The following BIRC6 variants were observed in gnomAD, a reference collection of about 807,000 sequenced individuals.
The protein encoded by BIRC6 is dual E2 ubiquitin-conjugating enzyme/E3 ubiquitin-protein ligase BIRC6.
In BIRC6, 98 loss-of-function variants were observed where a neutral mutation model predicts 503.3. That is an observed-to-expected ratio of 0.19 (90% CI 0.17 to 0.23). BIRC6 has a LOEUF of 0.23. BIRC6 is among the 10% of genes least tolerant of loss of function. BIRC6 has a pLI of 1.00. For missense variants in BIRC6, 5,360 were observed against 5,806.0 expected, an observed-to-expected ratio of 0.92 and a Z score of 2.50; for synonymous variants, 2,240 against 2,078.7, an observed-to-expected ratio of 1.08 and a Z score of -2.11.
intron 13 of BIRC6, 154 bp from the exon 14 acceptor site, chr2:32,435,342 C>G (rs1037334561): frequency 2.6e-6 from 1 of 387,366 alleles, no homozygotes; most frequent in Non-Finnish European, 3.5e-6. Flanking sequence ...TTTATAGCAT[C>G]TGTGATGAAA....
intron 20 of BIRC6, among the ~76,000 whole-genome samples, chr2:32,445,096 C>G (rs749287275): frequency 6.6e-6 from 1 of 152,192 alleles, no homozygotes; most frequent in African/African-American, 2.4e-5. Flanking sequence ...GTTTGAAGCT[C>G]ACTGCCATCC....
rs1355766641 is a variant in BIRC6, at chr2:32,389,449, C to A, written c.839+506C>A. 2.6e-5 allele frequency among the ~76,000 whole-genome samples: 4 copies of A among 151,234 alleles called. No individual in the cohort carries two copies. The East Asian group carries it at 5.8e-4, about 22-fold the overall frequency. On this transcript the variant is annotated intron_variant, in intron 4 of 73. Coordinates refer to ENST00000421745, the MANE Select transcript of BIRC6 (RefSeq NM_016252.4). ...GTTAACAATTTTTTATGCTGCTCGC[C>A]CTGGATTTAAACAGTATTACAAAAA...
chr2:32,474,431 TTGTC>T (rs1275809850), intron 33 of BIRC6, among the ~76,000 whole-genome samples: 1 of 152,336 alleles, frequency 6.6e-6, no homozygotes, highest in African/African-American at 2.4e-5. Flanking sequence ...GAGTGAATAT[TTGTC>T]TGTAAAATAT....
At chr2:32,406,365 C>T in intron 8 of BIRC6, 134 bp from the exon 9 acceptor site, 1 of 636,858 alleles carries the variant, frequency 1.6e-6, no homozygotes, top group Non-Finnish European at 2.8e-6. Flanking sequence ...TGCCACTGTA[C>T]TCCAGCCTGG....
Position 32,455,979 on chromosome 2 carries a change from TTAATA to T in BIRC6, c.4753+2044_4753+2048del, listed in dbSNP as rs549016480. Among the ~76,000 whole-genome samples the T allele has an allele frequency of 2.3e-3, 350 of 152,316 alleles. 1 individual carries two copies. Among genetic ancestry groups the T allele is most frequent in the African/African-American group, 7.8e-3 (324 of 41,558 alleles). ...TTTACTTTTTTGAAACATGTTAATA[TTAATA>T]TAATATCTATGCGGAAAAGTGCAGA... On this transcript the variant is annotated intron_variant, in intron 23 of 73. Transcript: ENST00000421745.
At chr2:32,597,696 T>G (rs2061765401) in intron 68 of BIRC6, 55 bp from the exon 69 acceptor site, 10 of 1,307,100 alleles carry the variant, frequency 7.7e-6, no homozygotes, top group Non-Finnish European at 7.6e-6. Context: ...TTGTGATTTT[T>G]GTCATTATAA....
At chr2:32,417,978 C>G (rs1377996645) in intron 10 of BIRC6, among the ~76,000 whole-genome samples, 5 of 152,158 alleles carry the variant, frequency 3.3e-5, no homozygotes, top group Admixed American at 3.3e-4. Flanking sequence ...CGAGGTTTCA[C>G]TATGTTGGCT....
intron 62 of BIRC6, 118 bp downstream of exon 62, chr2:32,543,659 G>T: frequency 1.0e-6 from 1 of 981,696 alleles, no homozygotes; most frequent in South Asian, 1.7e-5. Context: ...TAGATGATTT[G>T]TAAGTGGTAG....
intron 1 of BIRC6, among the ~76,000 whole-genome samples, chr2:32,369,971 T>A (rs1303800515): frequency 1.6e-5 from 1 of 62,600 alleles, no homozygotes; most frequent in African/African-American, 5.6e-5. Context: ...TATATATATA[T>A]ATATATATAT....
chr2:32,493,340 A>G (rs919703402), intron 44 of BIRC6, among the ~76,000 whole-genome samples, 200 bp from the exon 45 acceptor site: 8 of 152,228 alleles, frequency 5.3e-5, no homozygotes, highest in Middle Eastern at 3.4e-3. Flanking sequence ...AAGTATTAAC[A>G]GTATTTTTAT....
chr2:32,465,992 T>C (rs772547582), intron 26 of BIRC6, among the ~76,000 whole-genome samples: 1 of 152,230 alleles, frequency 6.6e-6, no homozygotes, highest in African/African-American at 2.4e-5. Context: ...TGAAGTCTTA[T>C]GGGAGATGAG....
chr2:32,433,410 G>T (rs2044355009), intron 12 of BIRC6, among the ~76,000 whole-genome samples: 1 of 152,194 alleles, frequency 6.6e-6, no homozygotes, highest in African/African-American at 2.4e-5. Context: ...GAATAAGAAT[G>T]TATTGGTATA....
intron 12 of BIRC6, among the ~76,000 whole-genome samples, chr2:32,431,871 G>T (rs1025173581): frequency 6.6e-6 from 1 of 152,214 alleles, no homozygotes; most frequent in Admixed American, 6.5e-5. Flanking sequence ...AAGCTATGAA[G>T]AATGTTAAAA....
chr2:32,450,379 G>A (rs1351612346), intron 22 of BIRC6, among the ~76,000 whole-genome samples: 1 of 151,948 alleles, frequency 6.6e-6, no homozygotes, highest in African/African-American at 2.4e-5. Context: ...GGAGAATGGC[G>A]TGAACCCGGG....
intron 54 of BIRC6, among the ~76,000 whole-genome samples, chr2:32,514,549 T>G (rs1301307433): frequency 6.6e-6 from 1 of 152,232 alleles, no homozygotes; most frequent in Non-Finnish European, 1.5e-5. Flanking sequence ...ATATTTGGCC[T>G]TAGCGATTGG....
chr2:32,425,751 G>A (rs771884319), intron 10 of BIRC6, among the ~76,000 whole-genome samples: 4 of 152,210 alleles, frequency 2.6e-5, no homozygotes, highest in Non-Finnish European at 5.9e-5. Context: ...GCTGCTTGGA[G>A]TAGCAGCTGC....
At chr2:32,423,703 G>A (rs2043179709) in intron 10 of BIRC6, among the ~76,000 whole-genome samples, 1 of 152,016 alleles carries the variant, frequency 6.6e-6, no homozygotes, top group Non-Finnish European at 1.5e-5. Flanking sequence ...CTTATCTGTG[G>A]TTTCAGTTAT....
intron 8 of BIRC6, among the ~76,000 whole-genome samples, chr2:32,402,935 G>T (rs2040758865): frequency 6.6e-6 from 1 of 152,092 alleles, no homozygotes; most frequent in Non-Finnish European, 1.5e-5. Context: ...GGTAAAATCT[G>T]CATTTTAGAT....
intron 39 of BIRC6, 124 bp downstream of exon 39, chr2:32,482,706 G>T: frequency 1.0e-6 from 1 of 976,812 alleles, no homozygotes; most frequent in Non-Finnish European, 1.5e-6. Flanking sequence ...TCACAGCTGT[G>T]CCGTGAGTAC....
Sources: allele counts gnomAD v4.1 joint callset (sites outside exome capture counted in the v4.1 genomes callset), GRCh38; gene constraint gnomAD v4.1.1; transcripts MANE v1.5; gene names NCBI Gene and HGNC (gene_info 2026-07-23, HGNC 2026-07-21).